The following INSYN2A variants were observed in gnomAD, a reference collection of about 807,000 sequenced individuals.
The protein encoded by INSYN2A is inhibitory synaptic factor 2A.
In INSYN2A, 17 loss-of-function variants were observed where a neutral mutation model predicts 39.4. That is an observed-to-expected ratio of 0.43 (90% CI 0.30 to 0.65). INSYN2A has a LOEUF of 0.65. INSYN2A is among the 30% of genes least tolerant of loss of function. The probability of loss-of-function intolerance (pLI) is 0.14; values close to 1 mark genes in which losing one functional copy is unlikely to be tolerated. For synonymous variants in INSYN2A, 255 were observed against 265.7 expected (o/e 0.96, Z 0.39); for missense variants, 595 against 631.2 (o/e 0.94, Z 0.61).
chr10:127,156,257 T>C (rs983016122), intron 4 of INSYN2A, among the ~76,000 whole-genome samples: 1 of 152,176 alleles, frequency 6.6e-6, no homozygotes, highest in African/African-American at 2.4e-5. Flanking sequence ...TAGCCCCACT[T>C]ACAGAGGAGC....
chr10:127,166,052 C>A (rs1039801829), intron 4 of INSYN2A, among the ~76,000 whole-genome samples: 5 of 152,254 alleles, frequency 3.3e-5, no homozygotes, highest in Middle Eastern at 3.4e-3. Flanking sequence ...TTAAAAAATG[C>A]CTGCATTTTC....
intron 4 of INSYN2A, among the ~76,000 whole-genome samples, chr10:127,172,851 T>A (rs1327146964): frequency 6.6e-6 from 1 of 152,190 alleles, no homozygotes; most frequent in Non-Finnish European, 1.5e-5. Flanking sequence ...CCGGAGTGAA[T>A]GACATTTCGT....
At chr10:127,195,077 T>C (rs2057014744) in intron 1 of INSYN2A, among the ~76,000 whole-genome samples, 2 of 152,174 alleles carry the variant, frequency 1.3e-5, no homozygotes, top group Admixed American at 1.3e-4. Flanking sequence ...TGGCATCTCT[T>C]TATCACTGGC....
rs2055105776 is a variant in INSYN2A, at chr10:127,176,089, T to C, written c.307A>G (p.Thr103Ala). ...RRSIPNVTKS[T>A]GVQTSPDLKK... is the part of the protein sequence containing the mutation. Reference sequence around the variant, plus strand: ...AGGTCGGGCGAGGTCTGCACGCCTGTGCTCTTGGTGACGTTGGGGATGGAC... The same window carrying C: ...AGGTCGGGCGAGGTCTGCACGCCTGCGCTCTTGGTGACGTTGGGGATGGAC... Residue 103 changes from threonine to alanine, a missense_variant, in exon 4 of 6, where the codon ACA (threonine) becomes GCA (alanine). Thr to Ala is a moderately conservative substitution (Grantham distance 58). Transcript: ENST00000522781. The surrounding 1 kb of genome is among the most constrained non-coding windows in gnomAD (Gnocchi z 4.4). 1 of 1,614,184 alleles carries C rather than the reference T, an allele frequency of 6.2e-7. No individual in the cohort carries two copies. The highest frequency in any genetic ancestry group is 8.5e-7 in the Non-Finnish European group (1 of 1,180,020).
chr10:127,188,992 A>C (rs1182007960), intron 2 of INSYN2A, among the ~76,000 whole-genome samples: 1 of 152,154 alleles, frequency 6.6e-6, no homozygotes, highest in Admixed American at 6.5e-5. Context: ...CTCCACTGTG[A>C]GCTGGGTCAG....
chr10:127,185,159 A>G (rs2056111445), intron 2 of INSYN2A, among the ~76,000 whole-genome samples: 2 of 152,162 alleles, frequency 1.3e-5, no homozygotes, highest in Admixed American at 6.5e-5. Flanking sequence ...TAACACAAAT[A>G]TAAGTGTTCT....
chr10:127,147,959 A>T (rs894204185), intron 5 of INSYN2A, among the ~76,000 whole-genome samples: 3 of 136,492 alleles, frequency 2.2e-5, no homozygotes, highest in African/African-American at 8.0e-5. Context: ...TCAACCCAGG[A>T]GGAGGAGGGT....
chr10:127,165,606 A>G (rs2054004173), intron 4 of INSYN2A, among the ~76,000 whole-genome samples: 1 of 152,202 alleles, frequency 6.6e-6, no homozygotes, highest in Admixed American at 6.5e-5. Flanking sequence ...CAAACAATGC[A>G]GTATCAAATG....
chr10:127,161,561 G>A (rs2053596370), intron 4 of INSYN2A, among the ~76,000 whole-genome samples: 1 of 152,202 alleles, frequency 6.6e-6, no homozygotes, highest in South Asian at 2.1e-4. Context: ...ATACTGGCAA[G>A]GCTGTTTGGA....
chr10:127,151,126 ACT>A (rs750335788), intron 5 of INSYN2A, among the ~76,000 whole-genome samples: 10 of 152,046 alleles, frequency 6.6e-5, no homozygotes, highest in Non-Finnish European at 1.2e-4. Context: ...ACCTCAGAAA[ACT>A]CTTATCCAAC....
At chr10:127,142,406 T>C (rs2051351682) in intron 5 of INSYN2A, among the ~76,000 whole-genome samples, 1 of 152,096 alleles carries the variant, frequency 6.6e-6, no homozygotes, top group African/African-American at 2.4e-5. Flanking sequence ...GCTGGAGGGA[T>C]CTGGTGTTTG....
chr10:127,183,845 G>A (rs1250787010), intron 2 of INSYN2A, among the ~76,000 whole-genome samples: 3 of 152,180 alleles, frequency 2.0e-5, no homozygotes, highest in Non-Finnish European at 2.9e-5. Context: ...CAATCCTGGT[G>A]TTACTCTGCC....
Position 127,153,938 on chromosome 10 carries a change from C to T in INSYN2A, c.1185-15G>A. The T allele has an allele frequency of 6.2e-7, 1 of 1,608,886 alleles. No individual in the cohort carries two copies. Among genetic ancestry groups the T allele is most frequent in the Non-Finnish European group, 8.5e-7 (1 of 1,175,308 alleles). ...GATATGAAAGCCTACAAGATAAGAA[C>T]AGGAGAGCATTACAAGCGGTGGCTG... On this transcript the variant is annotated splice_polypyrimidine_tract_variant and intron_variant, in intron 4 of 5. Transcript: ENST00000522781.
intron 4 of INSYN2A, among the ~76,000 whole-genome samples, chr10:127,159,940 A>C (rs1423371446): frequency 6.6e-6 from 1 of 152,118 alleles, no homozygotes; most frequent in Non-Finnish European, 1.5e-5. Flanking sequence ...AGGGAGATCT[A>C]AGTCAGCAGG....
chr10:127,184,275 G>C (rs576380311), intron 2 of INSYN2A, among the ~76,000 whole-genome samples: 111 of 152,226 alleles, frequency 7.3e-4, no homozygotes, highest in Admixed American at 1.6e-3. Flanking sequence ...TATGCTGAAG[G>C]CTTCCAACAA....
At position 127,175,621 on chromosome 10, in the gene INSYN2A, G is replaced by T. The variant is rs565955024; in HGVS notation, c.775C>A (p.Pro259Thr). Residue 259 changes from proline (P) to threonine (T), a missense_variant, in exon 4 of 6, where the codon CCT (proline) becomes ACT (threonine). Pro to Thr is a conservative substitution (Grantham distance 38). This residue lies in a region of INSYN2A where 478 missense variants were observed against 467.4 expected (regional missense o/e 1.02). Transcript: ENST00000522781. This position sits in a 1 kb window ranked among gnomAD's most constrained non-coding sequence, Gnocchi z 6.3. Reference protein sequence around the residue: ...FKTEVATVYAPALSARAPEPG... With the variant: ...FKTEVATVYATALSARAPEPG... Reference sequence around the variant, plus strand: ...TCGGGGGCCCTGGCACTGAGGGCAGGTGCGTAAACGGTGGCAACCTCCGTT... The same window carrying T: ...TCGGGGGCCCTGGCACTGAGGGCAGTTGCGTAAACGGTGGCAACCTCCGTT... 58 of 1,613,142 alleles carry T rather than the reference G, an allele frequency of 3.6e-5. 1 individual carries two copies. In the East Asian group the frequency reaches 1.1e-3, roughly 30 times the overall value.
chr10:127,169,065 G>T (rs931978940), intron 4 of INSYN2A, among the ~76,000 whole-genome samples: 2 of 152,096 alleles, frequency 1.3e-5, no homozygotes, highest in South Asian at 4.1e-4. Context: ...CTAGGTTAAC[G>T]CAAGTCACAT....
chr10:127,194,878 C>T (rs12412340), intron 1 of INSYN2A, among the ~76,000 whole-genome samples: 1 of 148,286 alleles, frequency 6.7e-6, no homozygotes, highest in Non-Finnish European at 1.5e-5. Context: ...ATTTCAGCGC[C>T]TAAGCAGACA....
At chr10:127,151,931 T>A (rs537462980) in intron 5 of INSYN2A, among the ~76,000 whole-genome samples, 1 of 152,342 alleles carries the variant, frequency 6.6e-6, no homozygotes, top group Admixed American at 6.5e-5. Context: ...TCACTTTTAA[T>A]GTCACTTTTT....
Sources: gnomAD v4.1 joint callset for allele counts (sites outside exome capture counted in the v4.1 genomes callset) on GRCh38, gnomAD v4.1.1 for gene constraint, gnomAD v4.1.1 regional missense constraint, Gnocchi (gnomAD v3.1) non-coding constraint, MANE v1.5 for transcripts, NCBI Gene and HGNC (gene_info 2026-07-23, HGNC 2026-07-21) for gene names.